The following PCDHGB7 variants were observed in gnomAD, a reference collection of about 807,000 sequenced individuals.
PCDHGB7 encodes the protein protocadherin gamma-B7.
PCDHGB7 carries 37 observed loss-of-function variants against 61.4 expected under a neutral mutation model. The ratio of observed to expected loss-of-function variants is 0.60; its 90% CI spans 0.46 to 0.79. The LOEUF (loss-of-function observed/expected upper bound fraction) is 0.79, where lower values mean the gene tolerates loss of function less well. Among genes scored for constraint, PCDHGB7 ranks in the 30% least tolerant of loss-of-function variants. The probability of loss-of-function intolerance (pLI) is 0.00; values close to 1 mark genes in which losing one functional copy is unlikely to be tolerated. For synonymous variants in PCDHGB7, 464 were observed against 503.5 expected (o/e 0.92, Z 1.05); for missense variants, 1,166 against 1,202.5 (o/e 0.97, Z 0.45).
rs751145850 is a variant in PCDHGB7 at position 141,432,148 on chromosome 5, G to A, written c.2415+11874G>A. The A allele has an allele frequency of 6.1e-5, 99 of 1,613,884 alleles. No individual in the cohort carries two copies. The Admixed American group carries it at 1.5e-3, about 24-fold the overall frequency. On this transcript the variant is annotated intron_variant, in intron 1 of 3. Transcript: ENST00000398594. The surrounding 1 kb of genome is among the most constrained non-coding windows in gnomAD (Gnocchi z 6.0). ...CCTCCTATTCCGCTTATATCCCAGA[G>A]AACAATCCCAGAGGAGTTTCCCTCG...
At chr5:141,420,625 T>C (rs1440415745) in intron 1 of PCDHGB7, among the ~76,000 whole-genome samples, 1 of 152,242 alleles carries the variant, frequency 6.6e-6, no homozygotes, top group Non-Finnish European at 1.5e-5. Flanking sequence ...CTTCATTTAC[T>C]CAATAAAGGA....
intron 1 of PCDHGB7, among the ~76,000 whole-genome samples, chr5:141,494,146 T>C (rs1167835696): frequency 1.3e-5 from 2 of 152,168 alleles, no homozygotes; most frequent in Non-Finnish European, 2.9e-5. Context: ...TCACAGACCA[T>C]TGTCTGGCAC....
Position 141,476,187 on chromosome 5 carries a change from G to A in PCDHGB7, c.2416-18620G>A. 6.2e-7 allele frequency: 1 copy of A among 1,613,782 alleles called. No individual in the cohort carries two copies. The highest frequency in any genetic ancestry group is 1.1e-5 in the South Asian group (1 of 91,072). ...GTAGTGGGAGTTTTGCTTCTGCTTG[G>A]TGCCTTGAACAAGGCTTCCACGGTC... On this transcript the variant is annotated intron_variant, in intron 1 of 3. Coordinates refer to ENST00000398594, the MANE Select transcript of PCDHGB7 (RefSeq NM_018927.4). This position sits in a 1 kb window ranked among gnomAD's most constrained non-coding sequence, Gnocchi z 7.6.
rs539072548 is a variant in PCDHGB7 at position 141,421,546 on chromosome 5, A to G, written c.2415+1272A>G. 4.3e-6 allele frequency: 7 copies of G among 1,613,896 alleles called. No homozygotes were observed. The South Asian group carries it at 4.4e-5, about 10-fold the overall frequency. ...GACGGTGTCCTCCTGTTTTTTAAAT[A>G]TGGAACTTCTCGTGGAAGACACCTT... On this transcript the variant is annotated intron_variant, in intron 1 of 3. Transcript: ENST00000398594.
At chr5:141,430,021 T>C (rs2097257368) in intron 1 of PCDHGB7, among the ~76,000 whole-genome samples, 1 of 152,226 alleles carries the variant, frequency 6.6e-6, no homozygotes, top group Admixed American at 6.5e-5. Context: ...TGGGTTCTTG[T>C]TAAGTGTGAT....
chr5:141,497,960 C>T (rs946836523), intron 2 of PCDHGB7, among the ~76,000 whole-genome samples: 24 of 152,202 alleles, frequency 1.6e-4, no homozygotes, highest in African/African-American at 5.8e-4. Flanking sequence ...GTTGGCCAGG[C>T]AGTGTTCTCG....
At chr5:141,427,999 T>C (rs1319115693) in intron 1 of PCDHGB7, 9 of 1,601,068 alleles carry the variant, frequency 5.6e-6, no homozygotes, top group African/African-American at 1.3e-5. Context: ...GGCTCCGCAC[T>C]CTTCGATATA....
At chr5:141,441,791 C>T in intron 1 of PCDHGB7, 1 of 390,714 alleles carries the variant, frequency 2.6e-6, no homozygotes, top group Non-Finnish European at 5.1e-6. Flanking sequence ...TGAATGACAA[C>T]GCACCGCGGG....
At position 141,485,681 on chromosome 5, in the gene PCDHGB7, T is replaced by A; in HGVS notation, c.2416-9126T>A. The A allele has an allele frequency of 6.2e-7, 1 of 1,614,074 alleles. No homozygotes were observed. The highest frequency in any genetic ancestry group is 8.5e-7 in the Non-Finnish European group (1 of 1,179,966). ...TGTGGGGAGCAATTCGATTAGCAGC[T>A]ATAGGCTGAGCTCCAATGAACACTT... On this transcript the variant is annotated intron_variant, in intron 1 of 3. Transcript: ENST00000398594. The surrounding 1 kb of genome is among the most constrained non-coding windows in gnomAD (Gnocchi z 5.7).
intron 1 of PCDHGB7, among the ~76,000 whole-genome samples, chr5:141,482,257 T>C (rs2099555476): frequency 1.3e-5 from 2 of 152,156 alleles, no homozygotes; most frequent in Admixed American, 1.3e-4. Context: ...ACTGTACATA[T>C]TAGTTGTTTA....
intron 2 of PCDHGB7, among the ~76,000 whole-genome samples, chr5:141,497,540 CT>C (rs754207034): frequency 0.18 from 24,498 of 134,808 alleles, 2,020 homozygotes; most frequent in African/African-American, 0.21. Flanking sequence ...TGCAACAAAC[CT>C]TTTTTTTTTT....
In PCDHGB7 at chr5:141,419,851, C is replaced by T; in HGVS notation, c.1992C>T (p.Phe664=). 6.2e-7 allele frequency: 1 copy of T among 1,614,062 alleles called. No homozygotes were observed. Among genetic ancestry groups the T allele is most frequent in the Non-Finnish European group, 8.5e-7 (1 of 1,179,884 alleles). Residue 664 remains phenylalanine (F), a synonymous_variant, in exon 1 of 4, where the codon TTC becomes TTT. Transcript: ENST00000398594. ...CCACTGCCACGCTGCACCTGGTGTT[C>T]GCAGATAGCTTGCAAGAGGTACTGC... ...LSATATLHLV[F]ADSLQEVLPD...
At chr5:141,434,117 G>T (rs2097672674) in intron 1 of PCDHGB7, among the ~76,000 whole-genome samples, 1 of 152,126 alleles carries the variant, frequency 6.6e-6, no homozygotes, top group African/African-American at 2.4e-5. Context: ...TGGCCTTTGG[G>T]ACTCCCTTTA....
chr5:141,422,355 T>A, intron 1 of PCDHGB7: 1 of 1,557,416 alleles, frequency 6.4e-7, no homozygotes, highest in Non-Finnish European at 8.6e-7. Flanking sequence ...AAGATCAAGA[T>A]TCTGGAGAAA....
At chr5:141,445,808 T>A (rs1004030960) in intron 1 of PCDHGB7, among the ~76,000 whole-genome samples, 1 of 152,182 alleles carries the variant, frequency 6.6e-6, no homozygotes, top group Non-Finnish European at 1.5e-5. Flanking sequence ...AATAAATAGA[T>A]GAAACTAATA....
At chr5:141,479,535 G>A (rs539785154) in intron 1 of PCDHGB7, 2 of 152,378 alleles carry the variant, frequency 1.3e-5, no homozygotes, top group Non-Finnish European at 2.9e-5. Context: ...AAGTGGAGAA[G>A]GTCAAAACTG....
intron 3 of PCDHGB7, 73 bp from the exon 4 acceptor site, chr5:141,510,874 G>C: frequency 6.2e-7 from 1 of 1,610,126 alleles, no homozygotes; most frequent in Non-Finnish European, 8.5e-7. Context: ...TTCATTAACT[G>C]CTGGGGATAT....
rs1304361659 is a variant in PCDHGB7 at position 141,494,859 on chromosome 5, C to T, written c.2468C>T (p.Thr823Ile). 2 of 1,614,134 alleles carry T rather than the reference C, an allele frequency of 1.2e-6. No individual in the cohort carries two copies. The highest frequency in any genetic ancestry group is 8.5e-7 in the Non-Finnish European group (1 of 1,180,012). Reference protein sequence around the residue: ...WRFSQAQRPGTSGSQNGDDTG... With the variant: ...WRFSQAQRPGISGSQNGDDTG... Reference sequence around the variant, plus strand: ...TTCTCTCAGGCCCAGAGACCCGGCACCAGCGGGTAGGTGACTGATTCTCCA... The same window carrying T: ...TTCTCTCAGGCCCAGAGACCCGGCATCAGCGGGTAGGTGACTGATTCTCCA... Residue 823 changes from threonine to isoleucine, a missense_variant, in exon 2 of 4, where the codon ACC becomes ATC. By Grantham distance (89) the Thr-to-Ile change is moderately conservative. Coordinates refer to ENST00000398594, the MANE Select transcript of PCDHGB7 (RefSeq NM_018927.4).
chr5:141,481,436 T>C (rs775003998), intron 1 of PCDHGB7, among the ~76,000 whole-genome samples: 5 of 152,220 alleles, frequency 3.3e-5, no homozygotes, highest in South Asian at 2.1e-4. Flanking sequence ...ATTGTATCAG[T>C]TTAGTACATG....
Sources: gnomAD v4.1 joint callset for allele counts (sites outside exome capture counted in the v4.1 genomes callset) on GRCh38, gnomAD v4.1.1 for gene constraint, Gnocchi (gnomAD v3.1) non-coding constraint, MANE v1.5 for transcripts, NCBI Gene and HGNC (gene_info 2026-07-23, HGNC 2026-07-21) for gene names.